PLXNA2: variants seen among roughly 807,000 people sequenced by gnomAD.
PLXNA2 encodes plexin-A2.
Under a neutral mutation model 193.5 loss-of-function variants are expected in PLXNA2, and 91 were observed. That is an observed-to-expected ratio of 0.47 (90% CI 0.40 to 0.56). The LOEUF is 0.56. Ranked by LOEUF, PLXNA2 falls within the 20% of genes least tolerant of loss-of-function variation. PLXNA2 has a pLI of 0.00. For missense variants in PLXNA2, 1,995 were observed against 2,503.2 expected, an observed-to-expected ratio of 0.80 and a Z score of 4.33; for synonymous variants, 997 against 1,027.3, an observed-to-expected ratio of 0.97 and a Z score of 0.56.
intron 3 of PLXNA2, among the ~76,000 whole-genome samples, chr1:208,160,865 C>T (rs189795943): frequency 6.6e-6 from 1 of 152,378 alleles, no homozygotes; most frequent in African/African-American, 2.4e-5. Flanking sequence ...CCCATCTCTC[C>T]ACTGCTATTT....
chr1:208,039,848 G>A, intron 23 of PLXNA2, 81 bp from the exon 24 acceptor site: 3 of 1,602,834 alleles, frequency 1.9e-6, no homozygotes, highest in South Asian at 2.2e-5. Flanking sequence ...TCGGAGCGAG[G>A]CCAGTGGAAG....
intron 4 of PLXNA2, among the ~76,000 whole-genome samples, chr1:208,130,733 C>T (rs1371712552): frequency 1.3e-5 from 2 of 152,186 alleles, no homozygotes; most frequent in Admixed American, 6.5e-5. Flanking sequence ...ACCCCTCTGC[C>T]ATCCTGCCAC....
intron 4 of PLXNA2, among the ~76,000 whole-genome samples, chr1:208,110,759 CCAGA>C (rs757626496): frequency 8.5e-5 from 13 of 152,270 alleles, no homozygotes; most frequent in Non-Finnish European, 1.3e-4. Context: ...GCAGCGGGGT[CCAGA>C]CAGACAGAGG....
chr1:208,029,749 T>G, intron 29 of PLXNA2: 1 of 985,626 alleles, frequency 1.0e-6, no homozygotes, highest in Non-Finnish European at 1.2e-6. Context: ...CTTCTGCAAC[T>G]CGGGAATTTA....
intron 9 of PLXNA2, among the ~76,000 whole-genome samples, chr1:208,092,092 C>T (rs1666732906): frequency 6.6e-6 from 1 of 152,140 alleles, no homozygotes; most frequent in Non-Finnish European, 1.5e-5. Flanking sequence ...GCTTCACTGT[C>T]CTGAGACATG....
Position 208,038,842 on chromosome 1 carries a change from GC to G in PLXNA2, c.4642del (p.Ala1548GlnfsTer37), listed in dbSNP as rs1162718370. 1 of 1,614,012 alleles carries G rather than the reference GC, an allele frequency of 6.2e-7. No individual in the cohort carries two copies. Among genetic ancestry groups the G allele is most frequent in the Non-Finnish European group, 8.5e-7 (1 of 1,179,956 alleles). ...TTTCCTACCCAAGTCCATGTCCACT[GC>G]CCTCGGCCGCTGGGAATAGGGCACA... ...KNVPYSQRPRAVDMDLEWRQG... is the reference protein window; with the variant it reads ...KNVPYSQRPRXVDMDLEWRQG... On this transcript the variant is annotated frameshift_variant, in exon 25 of 32. Coordinates refer to ENST00000367033, the MANE Select transcript of PLXNA2 (RefSeq NM_025179.4). LOFTEE classifies it high-confidence loss of function. This position sits in a 1 kb window ranked among gnomAD's most constrained non-coding sequence, Gnocchi z 4.1.
intron 8 of PLXNA2, 96 bp downstream of exon 8, chr1:208,095,933 A>G: frequency 2.2e-6 from 2 of 905,102 alleles, no homozygotes; most frequent in Admixed American, 1.8e-5. Context: ...GGTGACTACA[A>G]CGTGGTTCCT....
At chr1:208,057,686 G>A (rs1665478825) in intron 13 of PLXNA2, among the ~76,000 whole-genome samples, 1 of 152,134 alleles carries the variant, frequency 6.6e-6, no homozygotes, top group Admixed American at 6.5e-5. Flanking sequence ...CCTATGTATT[G>A]TTAGGAGACA....
At chr1:208,031,873 G>A in intron 28 of PLXNA2, 114 bp from the exon 29 acceptor site, 1 of 1,267,826 alleles carries the variant, frequency 7.9e-7, no homozygotes, top group Non-Finnish European at 1.1e-6. Context: ...TGGGACACGA[G>A]GCTGTGCAGG....
intron 4 of PLXNA2, among the ~76,000 whole-genome samples, chr1:208,107,791 C>T (rs576435195): frequency 6.4e-4 from 98 of 152,176 alleles, no homozygotes; most frequent in African/African-American, 2.3e-3. Flanking sequence ...CTGGGGGTGG[C>T]TGGGCTGGCA....
chr1:208,129,819 C>T (rs1668093807), intron 4 of PLXNA2, among the ~76,000 whole-genome samples: 1 of 152,220 alleles, frequency 6.6e-6, no homozygotes, highest in Non-Finnish European at 1.5e-5. Context: ...AAGCTCTTTG[C>T]TGTGAGCACA....
chr1:208,098,452 T>TCACACA lies in PLXNA2; in HGVS notation c.1731+393_1731+394insTGTGTG, dbSNP rs1466419984. 3.1e-4 allele frequency among the ~76,000 whole-genome samples: 37 copies of TCACACA among 120,816 alleles called. No homozygotes were observed. In the East Asian group the frequency reaches 3.7e-3, roughly 12 times the overall value. The allele number at this position is 120,816 out of a possible 152,430, so 79.3% of individuals were successfully genotyped here. ...TCTTTCCTCTCTCTCTCTCTCTCTC[T>TCACACA]CTCTCTCACACACACACACACACAC... On this transcript the variant is annotated intron_variant, in intron 6 of 31. Transcript: ENST00000367033.
Position 208,040,390 on chromosome 1 carries a change from G to A in PLXNA2, c.4287-332C>T, listed in dbSNP as rs76951660. ...CTATCCCACAGGGCTATAAAGAACC[G>A]GTTCTCCCAACTCACTTCTGGCCTC... On this transcript the variant is annotated intron_variant, in intron 22 of 31. Transcript: ENST00000367033. 2,277 of 282,462 alleles carry A rather than the reference G, an allele frequency of 8.1e-3. 45 individuals carry two copies. The highest frequency in any genetic ancestry group is 0.043 in the African/African-American group (1,953 of 45,386). The allele number at this position is 282,462 out of a possible 1,614,324, so 17.5% of individuals were successfully genotyped here. A position where few individuals can be genotyped will look rare whatever the true frequency, so the allele number is the denominator to read the frequency against.
intron 4 of PLXNA2, among the ~76,000 whole-genome samples, chr1:208,125,212 G>A (rs1667936835): frequency 6.6e-6 from 1 of 152,182 alleles, no homozygotes; most frequent in Admixed American, 6.5e-5. Flanking sequence ...TTAAATCCGG[G>A]AGGTGAGGAT....
intron 12 of PLXNA2, among the ~76,000 whole-genome samples, chr1:208,068,710 G>T (rs1297222855): frequency 6.6e-6 from 1 of 152,212 alleles, no homozygotes; most frequent in Admixed American, 6.5e-5. Flanking sequence ...AACCAGGCTG[G>T]CCCTGGGCAA....
intron 12 of PLXNA2, among the ~76,000 whole-genome samples, chr1:208,078,233 T>C (rs1239332069): frequency 6.6e-6 from 1 of 152,178 alleles, no homozygotes; most frequent in East Asian, 1.9e-4. Context: ...ATTAAATAAA[T>C]AATTTCTACC....
intron 12 of PLXNA2, 120 bp downstream of exon 12, chr1:208,079,140 A>T: frequency 1.2e-6 from 1 of 811,364 alleles, no homozygotes; most frequent in Non-Finnish European, 2.0e-6. Context: ...ACACCCCCCC[A>T]CATTAAACTC....
intron 2 of PLXNA2, among the ~76,000 whole-genome samples, chr1:208,215,026 T>C (rs1671080420): frequency 6.6e-6 from 1 of 152,058 alleles, no homozygotes; most frequent in Non-Finnish European, 1.5e-5. Flanking sequence ...GTCTTTTTTT[T>C]TTCTGAGACA....
At chr1:208,228,392 C>T (rs1433700685) in intron 1 of PLXNA2, among the ~76,000 whole-genome samples, 1 of 152,186 alleles carries the variant, frequency 6.6e-6, no homozygotes, top group Non-Finnish European at 1.5e-5. Flanking sequence ...AATCCTCGTG[C>T]TGCCTCCCTG....
Sources: allele counts gnomAD v4.1 joint callset (sites outside exome capture counted in the v4.1 genomes callset), GRCh38; gene constraint gnomAD v4.1.1; non-coding constraint Gnocchi (gnomAD v3.1); transcripts MANE v1.5; gene names NCBI Gene and HGNC (gene_info 2026-07-23, HGNC 2026-07-21).